TMTC4: variants seen among roughly 807,000 people sequenced by gnomAD.
The protein encoded by TMTC4 is protein O-mannosyl-transferase TMTC4.
A neutral mutation model predicts 86.0 loss-of-function variants in TMTC4; 65 were observed. The ratio of observed to expected loss-of-function variants is 0.76; its 90% CI spans 0.62 to 0.93. The LOEUF (loss-of-function observed/expected upper bound fraction) is 0.93, where lower values mean the gene tolerates loss of function less well. TMTC4 is among the 40% of genes least tolerant of loss of function. The probability of loss-of-function intolerance (pLI) is 0.00; values close to 1 mark genes in which losing one functional copy is unlikely to be tolerated. For missense variants in TMTC4, 866 were observed against 948.1 expected, an observed-to-expected ratio of 0.91 and a Z score of 1.14; for synonymous variants, 379 against 382.5, an observed-to-expected ratio of 0.99 and a Z score of 0.11.
chr13:100,634,943 A>T lies in TMTC4; in HGVS notation c.1375-7T>A. ...CGACAGCGGCAATGAGTTTCTTAAG[A>T]ACAGAAAGACATGGTAATTGTCACC... On this transcript the variant is annotated splice_region_variant and splice_polypyrimidine_tract_variant and intron_variant, in intron 11 of 18. Coordinates refer to ENST00000342624, the MANE Select transcript of TMTC4 (RefSeq NM_032813.5). 6.2e-7 allele frequency: 1 copy of T among 1,613,666 alleles called. No homozygotes were observed. Among genetic ancestry groups the T allele is most frequent in the Non-Finnish European group, 8.5e-7 (1 of 1,179,718 alleles).
At chr13:100,657,749 T>C (rs1382546723) in intron 5 of TMTC4, among the ~76,000 whole-genome samples, 2 of 152,146 alleles carry the variant, frequency 1.3e-5, no homozygotes, top group Non-Finnish European at 2.9e-5. Context: ...GATAAGAAAA[T>C]ATACACTGAC....
intron 7 of TMTC4, among the ~76,000 whole-genome samples, chr13:100,639,279 T>C (rs1254828683): frequency 6.6e-6 from 1 of 152,212 alleles, no homozygotes; most frequent in Non-Finnish European, 1.5e-5. Flanking sequence ...ACTAATTATC[T>C]AATACATGGG....
Position 100,606,299 on chromosome 13 carries a change from C to T in TMTC4, c.2134+59G>A, listed in dbSNP as rs532086939. ...TCCCAACATTAATTTTATAGACATG[C>T]ACCCACTTCATTAAAGTAACAAAAT... is the stretch of plus-strand genomic sequence containing the variant. On this transcript the variant is annotated intron_variant, in intron 18 of 18. Coordinates refer to ENST00000342624, the MANE Select transcript of TMTC4 (RefSeq NM_032813.5). The T allele has an allele frequency of 5.1e-5, 71 of 1,397,766 alleles. No homozygotes were observed. In the South Asian group the frequency reaches 8.0e-4, roughly 16 times the overall value. The allele number at this position is 1,397,766 out of a possible 1,614,324, so 86.6% of individuals were successfully genotyped here. A position where few individuals can be genotyped will look rare whatever the true frequency, so the allele number is the denominator to read the frequency against.
At chr13:100,634,712 A>C in intron 12 of TMTC4, 93 bp downstream of exon 12, 2 of 1,483,644 alleles carry the variant, frequency 1.3e-6, no homozygotes, top group Non-Finnish European at 1.8e-6. Context: ...TCTTACACTA[A>C]ATACTGCGCG....
intron 6 of TMTC4, among the ~76,000 whole-genome samples, chr13:100,650,119 C>T (rs527494388): frequency 6.6e-6 from 1 of 152,292 alleles, no homozygotes; most frequent in Non-Finnish European, 1.5e-5. Context: ...CACCATGCTG[C>T]CTCTCTCATC....
At position 100,673,937 on chromosome 13, in the gene TMTC4, C is replaced by T. The variant is rs1209350373; in HGVS notation, c.-208+807G>A. The stretch of plus-strand genomic sequence containing the variant: ...TCTCCCCATGCATTTATTTGCTCTC[C>T]CGGGGAAAGAGCGAAGTGTGGGATG... On this transcript the variant is annotated intron_variant, in intron 1 of 18. Coordinates refer to ENST00000342624, the MANE Select transcript of TMTC4 (RefSeq NM_032813.5). 5.3e-6 allele frequency: 4 copies of T among 756,804 alleles called. No individual in the cohort carries two copies. In the African/African-American group the frequency reaches 5.7e-5, roughly 11 times the overall value. 46.9% of individuals were successfully genotyped at this position (756,804 alleles called of 1,614,324 possible).
chr13:100,668,275 G>C (rs1886637818), intron 3 of TMTC4: 1 of 269,092 alleles, frequency 3.7e-6, no homozygotes, highest in Non-Finnish European at 7.0e-6. Flanking sequence ...TACTAAGTCT[G>C]CAACACCCTG....
intron 6 of TMTC4, among the ~76,000 whole-genome samples, chr13:100,652,160 C>T (rs556227970): frequency 1.3e-5 from 2 of 150,414 alleles, no homozygotes; most frequent in African/African-American, 2.5e-5. Flanking sequence ...AGCAAAACTC[C>T]GTCTCAAACA....
At position 100,668,630 on chromosome 13, in the gene TMTC4, G is replaced by A; in HGVS notation, c.168C>T (p.Ser56=). 1 of 1,614,202 alleles carries A rather than the reference G, an allele frequency of 6.2e-7. No individual in the cohort carries two copies. The highest frequency in any genetic ancestry group is 2.2e-5 in the East Asian group (1 of 44,886). ...CATCAAAGACAAAGTCTCCATCATA[G>A]CTGCGTGCAAAACACACAATGGCAA... is the stretch of plus-strand genomic sequence containing the variant. The part of the protein sequence containing the change: ...GSVAIVCFAR[S]YDGDFVFDDS... Residue 56 remains serine (S), a synonymous_variant, in exon 3 of 19, where the codon AGC becomes AGT. Transcript: ENST00000342624.
chr13:100,648,474 T>C (rs1368055126), intron 6 of TMTC4, among the ~76,000 whole-genome samples: 2 of 152,344 alleles, frequency 1.3e-5, no homozygotes, highest in South Asian at 4.1e-4. Flanking sequence ...AAGTTTTCAA[T>C]GCCACATATG....
chr13:100,628,803 T>C (rs1880924010), intron 12 of TMTC4, among the ~76,000 whole-genome samples: 1 of 152,086 alleles, frequency 6.6e-6, no homozygotes, highest in Non-Finnish European at 1.5e-5. Flanking sequence ...AGTGGGGACT[T>C]GAACTAAGCC....
At chr13:100,606,711 G>A (rs147713979) in intron 17 of TMTC4, among the ~76,000 whole-genome samples, 151 of 152,254 alleles carry the variant, frequency 9.9e-4, no homozygotes, top group African/African-American at 3.4e-3. Context: ...TATGCAAGTC[G>A]CCCAGGTCAG....
chr13:100,632,047 ACACACACT>A (rs1566591371), intron 12 of TMTC4, among the ~76,000 whole-genome samples: 10 of 63,406 alleles, frequency 1.6e-4, no homozygotes, highest in Admixed American at 4.6e-4. Context: ...ACACACACAC[ACACACACT>A]CTCTCTCTCT....
At chr13:100,629,188 T>A (rs1880977043) in intron 12 of TMTC4, among the ~76,000 whole-genome samples, 1 of 152,072 alleles carries the variant, frequency 6.6e-6, no homozygotes, top group South Asian at 2.1e-4. Flanking sequence ...AAGAAAAGTA[T>A]TTGTTGATGA....
intron 5 of TMTC4, among the ~76,000 whole-genome samples, chr13:100,659,493 T>C (rs936248087): frequency 2.0e-5 from 3 of 151,948 alleles, no homozygotes; most frequent in African/African-American, 7.3e-5. Flanking sequence ...TCAGACAAAG[T>C]GAAATCTTCC....
chr13:100,621,704 C>T lies in TMTC4; in HGVS notation c.1836+3831G>A, dbSNP rs1051116306. ...CCTTCCAAAGTGCTGGGATTACAGG[C>T]GTGAGCCACCGCGCCCAACCAAAAG... On this transcript the variant is annotated intron_variant, in intron 15 of 18. Transcript: ENST00000342624. Among the ~76,000 whole-genome samples the T allele has an allele frequency of 1.1e-4, 16 of 152,206 alleles. 1 individual carries two copies. The highest frequency in any genetic ancestry group is 4.1e-4 in the South Asian group (2 of 4,832).
chr13:100,607,838 A>G (rs536924647), intron 17 of TMTC4, among the ~76,000 whole-genome samples: 18 of 152,280 alleles, frequency 1.2e-4, no homozygotes, highest in African/African-American at 4.1e-4. Flanking sequence ...AGGACAACAT[A>G]CGGGATGTCA....
intron 6 of TMTC4, among the ~76,000 whole-genome samples, chr13:100,643,533 A>G (rs1346180381): frequency 1.3e-5 from 2 of 152,262 alleles, no homozygotes; most frequent in Non-Finnish European, 2.9e-5. Flanking sequence ...AATGCAAAAT[A>G]TATCTCTATG....
intron 15 of TMTC4, among the ~76,000 whole-genome samples, chr13:100,620,432 TTG>T (rs1245827820): frequency 6.6e-6 from 1 of 152,228 alleles, no homozygotes; most frequent in Non-Finnish European, 1.5e-5. Context: ...TTGTAACCTC[TTG>T]TGAGTTTTTA....
Sources: gnomAD v4.1 joint callset for allele counts (sites outside exome capture counted in the v4.1 genomes callset) on GRCh38, gnomAD v4.1.1 for gene constraint, MANE v1.5 for transcripts, NCBI Gene and HGNC (gene_info 2026-07-23, HGNC 2026-07-21) for gene names.